The following STK26 variants were observed in gnomAD, a reference collection of about 807,000 sequenced individuals.
STK26 encodes serine/threonine-protein kinase 26.
A neutral mutation model predicts 34.7 loss-of-function variants in STK26; 14 were observed. The observed-to-expected ratio is 0.40, with a 90% CI of 0.27 to 0.63. The LOEUF is 0.63. Among genes scored for constraint, STK26 ranks in the 30% least tolerant of loss-of-function variants. The pLI is 0.38. For missense variants in STK26, 226 were observed against 309.1 expected (o/e 0.73, Z 2.02); for synonymous variants, 100 against 109.8 (o/e 0.91, Z 0.56).
At chrX:132,054,984 C>A (rs1216946127) in intron 3 of STK26, 123 bp downstream of exon 3, 5 of 594,253 alleles carry the variant, frequency 8.4e-6, no homozygotes, top group Non-Finnish European at 1.3e-5. Flanking sequence ...CAGGCAGAAT[C>A]CAGCTCCATT....
chrX:132,073,114 T>TA, intron 11 of STK26, 21 bp downstream of exon 11: 1 of 1,168,640 alleles, frequency 8.6e-7, no homozygotes, highest in Non-Finnish European at 1.1e-6. Context: ...AATGTCATTT[T>TA]AAAAATTATT....
chrX:132,034,105 T>A (rs1250347541), intron 2 of STK26, among the ~76,000 whole-genome samples: 1 of 81,927 alleles, frequency 1.2e-5, no homozygotes, highest in African/African-American at 4.9e-5. Context: ...AAAAGTATAA[T>A]AAATACATAT....
intron 3 of STK26, among the ~76,000 whole-genome samples, chrX:132,058,866 G>A (rs140072475): frequency 1.2e-3 from 132 of 110,738 alleles, no homozygotes; most frequent in Admixed American, 2.4e-3. Context: ...GCTGGCTTAT[G>A]TTGATTATTT....
rs183994024 is a variant in STK26, at chrX:132,034,978, G to T, written c.42+11319G>T. ...GCACCACTCAAGGATGACTTTAACA[G>T]ACATTGGCGACCCCTTAAATATGAG... On this transcript the variant is annotated intron_variant, in intron 2 of 11. Transcript: ENST00000394334. 3.2e-3 allele frequency among the ~76,000 whole-genome samples: 358 copies of T among 111,155 alleles called. 2 individuals carry two copies. In the South Asian group the frequency reaches 0.039, roughly 12 times the overall value.
rs189045844 is a variant in STK26, at chrX:132,075,691, T to G, written c.*1532T>G. 8.9e-6 allele frequency: 1 copy of G among 111,811 alleles called. No individual in the cohort carries two copies. Among genetic ancestry groups the G allele is most frequent in the African/African-American group, 3.2e-5 (1 of 30,895 alleles). The allele number at this position is 111,811 out of a possible 1,213,427, so 9.2% of individuals were successfully genotyped here. A position where few individuals can be genotyped will look rare whatever the true frequency, so the allele number is the denominator to read the frequency against. On this transcript the variant is annotated 3_prime_UTR_variant, in exon 12 of 12. Coordinates refer to ENST00000394334, the MANE Select transcript of STK26 (RefSeq NM_016542.4). ...CACCTGCTGTGTAACTGAAACACAATTACAGTTTATAATCATCTGTAGAAG... is the reference window on the plus strand; with the variant it reads ...CACCTGCTGTGTAACTGAAACACAAGTACAGTTTATAATCATCTGTAGAAG...
At chrX:132,054,521 T>C (rs1403060672) in intron 2 of STK26, 110 bp from the exon 3 acceptor site, 24 of 682,313 alleles carry the variant, frequency 3.5e-5, no homozygotes, top group Non-Finnish European at 5.2e-5. Context: ...GGAGTTTGTA[T>C]GCTTTTACAA....
chrX:132,027,182 T>C (rs1184158367), intron 2 of STK26, among the ~76,000 whole-genome samples: 1 of 112,041 alleles, frequency 8.9e-6, no homozygotes, highest in Non-Finnish European at 1.9e-5. Flanking sequence ...GGCAGGGCAT[T>C]TCCAAGCAAG....
intron 3 of STK26, among the ~76,000 whole-genome samples, chrX:132,058,254 A>ATATG (rs1926926410): frequency 9.7e-6 from 1 of 103,041 alleles, no homozygotes; most frequent in African/African-American, 3.6e-5. Context: ...GTGTGTGTGT[A>ATATG]TGTGTGTGTG....
At chrX:132,074,093 G>A (rs772271985) in intron 11 of STK26, 42 bp from the exon 12 acceptor site, 2 of 1,135,423 alleles carry the variant, frequency 1.8e-6, no homozygotes, top group East Asian at 3.0e-5. Context: ...ATATAAACAT[G>A]CATAGTTGTA....
intron 2 of STK26, among the ~76,000 whole-genome samples, chrX:132,035,832 TACACACAC>T (rs61494612): frequency 0.052 from 4,064 of 78,161 alleles, 87 homozygotes; most frequent in Non-Finnish European, 0.078. Context: ...TCTGGCTGCA[TACACACAC>T]ACACACACAC....
chrX:132,024,462 T>G lies in STK26; in HGVS notation c.42+803T>G, dbSNP rs185027186. On this transcript the variant is annotated intron_variant, in intron 2 of 11. Transcript: ENST00000394334. ...AGATAAGCTATGTCAGAAAACTTTT[T>G]ATGCTGTTATGTTTTTAAATCGGTG... 3.4e-3 allele frequency among the ~76,000 whole-genome samples: 376 copies of G among 112,098 alleles called. 1 individual carries two copies. The highest frequency in any genetic ancestry group is 0.018 in the Middle Eastern group (4 of 219).
chrX:132,055,393 G>T, intron 3 of STK26: 1 of 937,079 alleles, frequency 1.1e-6, no homozygotes, highest in Admixed American at 2.6e-5. Flanking sequence ...TGTTAAAATG[G>T]AATTAAGTGG....
intron 3 of STK26, among the ~76,000 whole-genome samples, chrX:132,057,825 G>A (rs1430909553): frequency 9.0e-6 from 1 of 111,661 alleles, no homozygotes. Context: ...AGATATAAAA[G>A]TGAACAAACT....
chrX:132,031,570 T>C (rs1459293355), intron 2 of STK26, among the ~76,000 whole-genome samples: 1 of 112,193 alleles, frequency 8.9e-6, no homozygotes, highest in Admixed American at 9.4e-5. Flanking sequence ...TGTCTTTCTG[T>C]GCCTGGCTTA....
rs181110129 is a variant in STK26, at chrX:132,034,742, A to G, written c.42+11083A>G. Reference sequence around the variant, plus strand: ...TTGGAAACCTAACAGGCTAGGCTGGAGATAAGGGAAGGCTTAATTGATAAG... The same window carrying G: ...TTGGAAACCTAACAGGCTAGGCTGGGGATAAGGGAAGGCTTAATTGATAAG... On this transcript the variant is annotated intron_variant, in intron 2 of 11. Coordinates refer to ENST00000394334, the MANE Select transcript of STK26 (RefSeq NM_016542.4). Among the ~76,000 whole-genome samples the G allele has an allele frequency of 1.8e-3, 201 of 111,431 alleles. 3 individuals carry two copies. The highest frequency in any genetic ancestry group is 1.5e-3 in the Non-Finnish European group (81 of 53,103).
rs755749582 is a variant in STK26, at chrX:132,054,852, A to G, written c.264A>G (p.Ser88=). 3 of 1,188,139 alleles carry G rather than the reference A, an allele frequency of 2.5e-6. No individual in the cohort carries two copies. The highest frequency in any genetic ancestry group is 3.4e-6 in the Non-Finnish European group (3 of 876,329). ...DSSYVTKYYG[S]YLKGSKLWII... is the part of the protein sequence containing the mutation. ...CATATGTAACAAAATACTATGGGTC[A>G]TATTTAAAGGTAATGTGTGTGCTGT... Residue 88 remains serine (S), a synonymous_variant, in exon 3 of 12, where the codon TCA becomes TCG. Transcript: ENST00000394334.
chrX:132,034,678 G>A lies in STK26; in HGVS notation c.42+11019G>A, dbSNP rs967464164. Among the ~76,000 whole-genome samples, 5 of 111,595 alleles carry A rather than the reference G, an allele frequency of 4.5e-5. No individual in the cohort carries two copies. In the Admixed American group the frequency reaches 4.8e-4, roughly 11 times the overall value. On this transcript the variant is annotated intron_variant, in intron 2 of 11. Coordinates refer to ENST00000394334, the MANE Select transcript of STK26 (RefSeq NM_016542.4). ...TTTTTTAGCAATATAGTGAAATGAT[G>A]AAATAACATTGTTTGTTTTGGAAGA... is the stretch of plus-strand genomic sequence containing the variant.
chrX:132,029,429 T>G (rs1464241665), intron 2 of STK26, among the ~76,000 whole-genome samples: 1 of 111,434 alleles, frequency 9.0e-6, no homozygotes, highest in African/African-American at 3.3e-5. Flanking sequence ...AAAGGTGTTA[T>G]GATGTATGGG....
chrX:132,032,547 T>G (rs1415744003), intron 2 of STK26, among the ~76,000 whole-genome samples: 1 of 111,638 alleles, frequency 9.0e-6, no homozygotes, highest in African/African-American at 3.3e-5. Context: ...TGTTTTAAAT[T>G]TTTCCCTCTC....
Sources: gnomAD v4.1 joint callset for allele counts (sites outside exome capture counted in the v4.1 genomes callset) on GRCh38, gnomAD v4.1.1 for gene constraint, MANE v1.5 for transcripts, NCBI Gene and HGNC (gene_info 2026-07-23, HGNC 2026-07-21) for gene names.